SPAG16: variants seen among roughly 807,000 people sequenced by gnomAD.
The protein encoded by SPAG16 is sperm-associated antigen 16 protein.
In SPAG16, 86 loss-of-function variants were observed where a neutral mutation model predicts 80.4. That is an observed-to-expected ratio of 1.07 (90% CI 0.90 to 1.28). The LOEUF is 1.28. Among genes scored for constraint, SPAG16 ranks in the 50% most tolerant of loss-of-function variants. SPAG16 has a pLI of 0.00. For missense variants in SPAG16, 870 were observed against 765.3 expected, an observed-to-expected ratio of 1.14 and a Z score of -1.61; for synonymous variants, 294 against 265.9, an observed-to-expected ratio of 1.11 and a Z score of -1.03.
chr2:214,254,564 G>A (rs967642392), intron 15 of SPAG16, among the ~76,000 whole-genome samples: 1 of 152,016 alleles, frequency 6.6e-6, no homozygotes, highest in Non-Finnish European at 1.5e-5. Flanking sequence ...AGTAGTGTTT[G>A]AGAGACCTGA....
intron 12 of SPAG16, among the ~76,000 whole-genome samples, chr2:213,955,488 A>G (rs1003546582): frequency 6.6e-6 from 1 of 152,202 alleles, no homozygotes; most frequent in Non-Finnish European, 1.5e-5. Flanking sequence ...AAAATCATTT[A>G]ACTATAAATA....
intron 15 of SPAG16, among the ~76,000 whole-genome samples, chr2:214,203,766 G>A (rs1009157409): frequency 4.6e-5 from 7 of 152,300 alleles, no homozygotes; most frequent in African/African-American, 1.7e-4. Flanking sequence ...CAGGAAGAAG[G>A]AAATTTCCAG....
chr2:214,113,902 T>C (rs1294597778), intron 14 of SPAG16, among the ~76,000 whole-genome samples: 5 of 152,140 alleles, frequency 3.3e-5, no homozygotes, highest in Non-Finnish European at 7.4e-5. Context: ...GGAGAAGAGG[T>C]GCTCTGGTTT....
chr2:213,594,960 T>G (rs2060838859), intron 10 of SPAG16, among the ~76,000 whole-genome samples: 1 of 152,160 alleles, frequency 6.6e-6, no homozygotes, highest in South Asian at 2.1e-4. Flanking sequence ...TCTGTCTGCC[T>G]GCCTGTCTAT....
At chr2:213,471,849 T>A (rs1051166862) in intron 9 of SPAG16, among the ~76,000 whole-genome samples, 1 of 152,212 alleles carries the variant, frequency 6.6e-6, no homozygotes, top group Non-Finnish European at 1.5e-5. Flanking sequence ...GCATTGTGCC[T>A]CTTTCTTGGT....
intron 15 of SPAG16, among the ~76,000 whole-genome samples, chr2:214,229,155 G>GAAAAA (rs199770222): frequency 9.1e-5 from 13 of 142,348 alleles, no homozygotes; most frequent in African/African-American, 3.3e-4. Context: ...CGAGAAGCAG[G>GAAAAA]AAAAAAAAAA....
chr2:213,767,982 A>T (rs1162527961), intron 10 of SPAG16, among the ~76,000 whole-genome samples: 1 of 152,182 alleles, frequency 6.6e-6, no homozygotes, highest in Non-Finnish European at 1.5e-5. Context: ...CAGTGTGTCA[A>T]AGTGCTGCAC....
Position 213,290,394 on chromosome 2 carries a change from G to A in SPAG16, c.137-5670G>A, listed in dbSNP as rs573635055. 9.9e-5 allele frequency among the ~76,000 whole-genome samples: 15 copies of A among 152,284 alleles called. No individual in the cohort carries two copies. The South Asian group carries it at 3.1e-3, about 32-fold the overall frequency. ...GCTTCAGGGCAGGGAGAAAAGGGGAGCCATGGACACTACCCCAGGCAAGAA... is the reference window on the plus strand; with the variant it reads ...GCTTCAGGGCAGGGAGAAAAGGGGAACCATGGACACTACCCCAGGCAAGAA... On this transcript the variant is annotated intron_variant, in intron 1 of 15. Transcript: ENST00000331683.
At chr2:214,291,342 G>T in intron 15 of SPAG16, among the ~76,000 whole-genome samples, 1 of 101,810 alleles carries the variant, frequency 9.8e-6, no homozygotes, top group South Asian at 3.5e-4. Flanking sequence ...GTCTTGCTCT[G>T]TCGCCCAGGC....
At chr2:213,443,110 A>T (rs1342015306) in intron 9 of SPAG16, among the ~76,000 whole-genome samples, 1 of 152,186 alleles carries the variant, frequency 6.6e-6, no homozygotes, top group Non-Finnish European at 1.5e-5. Context: ...TAAAATGATT[A>T]CTACAGTAAA....
rs542369368 is a variant in SPAG16, at chr2:213,924,949, G to T, written c.1215-5011G>T. 2.6e-5 allele frequency among the ~76,000 whole-genome samples: 4 copies of T among 151,566 alleles called. No homozygotes were observed. The East Asian group carries it at 5.8e-4, about 22-fold the overall frequency. On this transcript the variant is annotated intron_variant, in intron 11 of 15. Transcript: ENST00000331683. ...TTAGATATATTAGATGTTTATAATT[G>T]TAAGTTTTTCTTACCCATTTCTTTT...
chr2:214,310,937 ATGTACAAGCCTAAGCAG>A (rs1695255778), intron 15 of SPAG16, among the ~76,000 whole-genome samples: 2 of 152,318 alleles, frequency 1.3e-5, no homozygotes, highest in South Asian at 4.1e-4. Context: ...GCCCCGTTCT[ATGTACAAGCCTAAGCAG>A]TGGGCACACC....
intron 10 of SPAG16, among the ~76,000 whole-genome samples, chr2:213,550,003 T>G (rs1050958030): frequency 2.6e-5 from 4 of 152,120 alleles, no homozygotes; most frequent in African/African-American, 7.2e-5. Context: ...AGGGTCTGAA[T>G]ATTTTTATAG....
chr2:213,733,720 C>T (rs2067165461), intron 10 of SPAG16, among the ~76,000 whole-genome samples: 1 of 152,036 alleles, frequency 6.6e-6, no homozygotes, highest in African/African-American at 2.4e-5. Flanking sequence ...GTTCCAGTGG[C>T]TTCTGTTTCA....
At chr2:213,771,717 C>T (rs1218355004) in intron 10 of SPAG16, among the ~76,000 whole-genome samples, 3 of 152,066 alleles carry the variant, frequency 2.0e-5, no homozygotes, top group Non-Finnish European at 4.4e-5. Flanking sequence ...ATCCTTTCCC[C>T]ATTGCTTGTT....
intron 10 of SPAG16, among the ~76,000 whole-genome samples, chr2:213,794,565 T>C (rs1196423290): frequency 6.6e-6 from 1 of 152,090 alleles, no homozygotes; most frequent in Non-Finnish European, 1.5e-5. Flanking sequence ...GAAATACTTA[T>C]CTCCAAAGGC....
chr2:213,911,695 A>G (rs1028874314), intron 11 of SPAG16, among the ~76,000 whole-genome samples: 1 of 152,170 alleles, frequency 6.6e-6, no homozygotes, highest in Non-Finnish European at 1.5e-5. Context: ...GATATAAAGC[A>G]CACAAAAACA....
intron 10 of SPAG16, among the ~76,000 whole-genome samples, chr2:213,566,631 A>G (rs192515496): frequency 1.2e-4 from 19 of 152,338 alleles, no homozygotes; most frequent in African/African-American, 2.9e-4. Context: ...AACATCTGGT[A>G]TACCCTATGT....
intron 12 of SPAG16, 69 bp downstream of exon 12, chr2:213,930,214 C>CTT: frequency 1.7e-4 from 163 of 965,066 alleles, no homozygotes; most frequent in South Asian, 2.9e-4. Flanking sequence ...TGGTAAAGTT[C>CTT]TTTTTTTTTT....
Sources: gnomAD v4.1 joint callset for allele counts (sites outside exome capture counted in the v4.1 genomes callset) on GRCh38, gnomAD v4.1.1 for gene constraint, MANE v1.5 for transcripts, NCBI Gene and HGNC (gene_info 2026-07-23, HGNC 2026-07-21) for gene names.